SPEF2: variants seen among roughly 807,000 people sequenced by gnomAD.
SPEF2 encodes the protein sperm flagellar and cilia associated 2, also known as sperm flagella and cilia-associated protein 2.
Under a neutral mutation model 224.6 loss-of-function variants are expected in SPEF2, and 187 were observed. The observed-to-expected ratio is 0.83, with a 90% CI of 0.74 to 0.94. The LOEUF (loss-of-function observed/expected upper bound fraction) is 0.94. Ranked by LOEUF, SPEF2 falls within the 40% of genes least tolerant of loss-of-function variation. The probability of loss-of-function intolerance (pLI) is 0.00; values close to 1 mark genes in which losing one functional copy is unlikely to be tolerated. For missense variants in SPEF2, 2,170 were observed against 2,135.6 expected, an observed-to-expected ratio of 1.02 and a Z score of -0.32; for synonymous variants, 715 against 707.3, an observed-to-expected ratio of 1.01 and a Z score of -0.17.
intron 34 of SPEF2, among the ~76,000 whole-genome samples, chr5:35,803,932 C>T (rs547774071): frequency 1.1e-4 from 16 of 152,262 alleles, no homozygotes; most frequent in South Asian, 4.1e-4. Context: ...AACTTAAAAG[C>T]GAGGCATTCA....
chr5:35,649,273 G>A lies in SPEF2; in HGVS notation c.727-88G>A, dbSNP rs1030376966. On this transcript the variant is annotated intron_variant, in intron 5 of 36. Transcript: ENST00000356031. ...TAATTACCTTGAATTAGTAGTACTT[G>A]TCACTTTATAAACTTGAATGAATGT... is the stretch of plus-strand genomic sequence containing the variant. 15 of 1,122,860 alleles carry A rather than the reference G, an allele frequency of 1.3e-5. No individual in the cohort carries two copies. The African/African-American group carries it at 2.3e-4, about 18-fold the overall frequency. 69.6% of individuals were successfully genotyped at this position (1,122,860 alleles called of 1,614,324 possible).
At chr5:35,675,656 C>G (rs1170132175) in intron 10 of SPEF2, 1 of 249,358 alleles carries the variant, frequency 4.0e-6, no homozygotes, top group South Asian at 4.8e-5. Flanking sequence ...GGACTACAGG[C>G]CTACAGGCGC....
At chr5:35,726,547 T>TA (rs368073563) in intron 20 of SPEF2, among the ~76,000 whole-genome samples, 17 of 152,292 alleles carry the variant, frequency 1.1e-4, no homozygotes, top group African/African-American at 4.1e-4. Flanking sequence ...AGAGATCACC[T>TA]AAACTGCCCA....
At chr5:35,647,512 G>A (rs541326306) in intron 5 of SPEF2, among the ~76,000 whole-genome samples, 18 of 152,244 alleles carry the variant, frequency 1.2e-4, no homozygotes, top group African/African-American at 4.1e-4. Flanking sequence ...AACTAACAGA[G>A]TAAGAACTCA....
intron 33 of SPEF2, among the ~76,000 whole-genome samples, 161 bp from the exon 34 acceptor site, chr5:35,799,807 A>G (rs1757184565): frequency 6.6e-6 from 1 of 152,030 alleles, no homozygotes; most frequent in African/African-American, 2.4e-5. Context: ...TTTTTTCTTA[A>G]TATTATTCAG....
At chr5:35,655,056 A>G (rs1054374503) in intron 7 of SPEF2, among the ~76,000 whole-genome samples, 6 of 152,302 alleles carry the variant, frequency 3.9e-5, no homozygotes, top group African/African-American at 1.2e-4. Context: ...TGTGTACTCT[A>G]TTGTTACTTT....
At chr5:35,693,692 A>C (rs778646805) in intron 12 of SPEF2, among the ~76,000 whole-genome samples, 25 of 151,966 alleles carry the variant, frequency 1.6e-4, no homozygotes, top group Non-Finnish European at 3.4e-4. Flanking sequence ...TAAGTCCACT[A>C]CTCTTTCCTC....
intron 25 of SPEF2, among the ~76,000 whole-genome samples, chr5:35,760,439 T>C (rs373464175): frequency 6.6e-6 from 1 of 152,074 alleles, no homozygotes; most frequent in Non-Finnish European, 1.5e-5. Context: ...ACCTATTGTA[T>C]TATATAAATG....
chr5:35,780,335 C>G (rs958367064), intron 30 of SPEF2, among the ~76,000 whole-genome samples: 2 of 152,176 alleles, frequency 1.3e-5, no homozygotes, highest in African/African-American at 4.8e-5. Flanking sequence ...AGTCCGAAAG[C>G]TTCCTTGCCA....
chr5:35,649,290 A>C, intron 5 of SPEF2, 71 bp from the exon 6 acceptor site: 1 of 1,275,444 alleles, frequency 7.8e-7, no homozygotes, highest in East Asian at 2.4e-5. Flanking sequence ...TATAAACTTG[A>C]ATGAATGTGT....
Position 35,643,126 on chromosome 5 carries a change from AG to A in SPEF2, c.415-1228del, listed in dbSNP as rs374833478. On this transcript the variant is annotated intron_variant, in intron 3 of 36. Coordinates refer to ENST00000356031, the MANE Select transcript of SPEF2 (RefSeq NM_024867.4). ...GTTTATATATAATAAAATGTAAAGC[AG>A]TCAACAGTGGCAAGTGCTATAAGAG... 8.5e-5 allele frequency among the ~76,000 whole-genome samples: 13 copies of A among 152,364 alleles called. No homozygotes were observed. The East Asian group carries it at 1.9e-3, about 23-fold the overall frequency.
Position 35,759,581 on chromosome 5 carries a change from G to A in SPEF2, c.3482G>A (p.Arg1161His), listed in dbSNP as rs372514340. 94 of 1,595,892 alleles carry A rather than the reference G, an allele frequency of 5.9e-5. No individual in the cohort carries two copies. Among genetic ancestry groups the A allele is most frequent in the Non-Finnish European group, 7.2e-5 (84 of 1,167,988 alleles). Residue 1161 changes from arginine to histidine, a missense_variant, in exon 25 of 37, where the codon CGT (arginine) becomes CAT (histidine). Transcript: ENST00000356031. ...FFSLMQAELN[R>H]FQDTKRLLQD... Reference sequence around the variant, plus strand: ...TTGCTATTAAAGGCAGAGCTGAACCGTTTCCAAGATACAAAGAGACTCCTT... The same window carrying A: ...TTGCTATTAAAGGCAGAGCTGAACCATTTCCAAGATACAAAGAGACTCCTT...
rs1360276037 is a variant in SPEF2, at chr5:35,691,171, T to C, written c.1659T>C (p.Pro553=). 1.9e-6 allele frequency: 3 copies of C among 1,614,044 alleles called. No homozygotes were observed. Among genetic ancestry groups the C allele is most frequent in the Non-Finnish European group, 2.5e-6 (3 of 1,179,968 alleles). The change falls in exon 11 of 37, where the codon CCT becomes CCC. Residue 553 remains proline (P), a synonymous_variant. Transcript: ENST00000356031. ...SLPPRAESTT[P]ELPSFAVKGC... is the part of the protein sequence containing the mutation. ...CTCCTCGAGCGGAATCAACAACACC[T>C]GAATTACCTTCATTTGCTGTTAAAG...
At chr5:35,774,113 C>G (rs949740293) in intron 28 of SPEF2, 92 bp downstream of exon 28, 1 of 1,485,444 alleles carries the variant, frequency 6.7e-7, no homozygotes, top group Non-Finnish European at 9.0e-7. Flanking sequence ...TGCCTCAGAC[C>G]ATGTCTATGA....
At chr5:35,703,113 TA>T (rs33979423) in intron 16 of SPEF2, among the ~76,000 whole-genome samples, 80,803 of 151,096 alleles carry the variant, frequency 0.53, 21,997 homozygotes, top group African/African-American at 0.56. Flanking sequence ...TTTTTTTTTT[TA>T]TTCTCTCTTT....
intron 6 of SPEF2, among the ~76,000 whole-genome samples, chr5:35,653,148 C>T (rs1748442437): frequency 6.6e-6 from 1 of 152,106 alleles, no homozygotes; most frequent in Admixed American, 6.5e-5. Flanking sequence ...TACCAAGCCC[C>T]CATTTGACTC....
intron 10 of SPEF2, among the ~76,000 whole-genome samples, chr5:35,689,151 T>C (rs899404862): frequency 3.9e-5 from 6 of 152,222 alleles, no homozygotes; most frequent in Non-Finnish European, 8.8e-5. Context: ...TTAATAAGTA[T>C]AGTTCTATGA....
At chr5:35,795,668 T>G (rs1351831644) in intron 32 of SPEF2, 35 bp from the exon 33 acceptor site, 5 of 1,586,174 alleles carry the variant, frequency 3.2e-6, no homozygotes, top group African/African-American at 1.4e-5. Context: ...GCAAAATACA[T>G]ACTTTAACAA....
chr5:35,626,603 A>G (rs1159737354), intron 1 of SPEF2, among the ~76,000 whole-genome samples: 2 of 152,220 alleles, frequency 1.3e-5, no homozygotes, highest in Non-Finnish European at 2.9e-5. Context: ...TCTATTGCAT[A>G]TAAAAATTAT....
Sources: allele counts gnomAD v4.1 joint callset (sites outside exome capture counted in the v4.1 genomes callset), GRCh38; gene constraint gnomAD v4.1.1; transcripts MANE v1.5; gene names NCBI Gene and HGNC (gene_info 2026-07-23, HGNC 2026-07-21).